MLC1: variants seen among roughly 807,000 people sequenced by gnomAD.
MLC1 encodes the protein membrane protein MLC1.
A neutral mutation model predicts 44.7 loss-of-function variants in MLC1; 32 were observed. The observed-to-expected ratio is 0.72, with a 90% CI of 0.54 to 0.96. MLC1 has a LOEUF of 0.96. Ranked by LOEUF, MLC1 falls within the 40% of genes least tolerant of loss-of-function variation. The pLI, the probability that MLC1 is intolerant of heterozygous loss-of-function variation, is 0.00. For synonymous variants in MLC1, 190 were observed against 213.0 expected, an observed-to-expected ratio of 0.89 and a Z score of 0.94; for missense variants, 459 against 492.2, an observed-to-expected ratio of 0.93 and a Z score of 0.64.
intron 10 of MLC1, among the ~76,000 whole-genome samples, chr22:50,065,203 G>A (rs1481179420): frequency 6.6e-6 from 1 of 152,274 alleles, no homozygotes; most frequent in Non-Finnish European, 1.5e-5. Flanking sequence ...ACAGGCATGT[G>A]CCACTACGCC....
In MLC1 at chr22:50,060,744, C is replaced by T. The variant is rs557621243; in HGVS notation, c.*839G>A. ...AAGCTGGGCATGACAGTGCCCGGGA[C>T]GTGGGCAGCGGCCATGTGGCACTCC... On this transcript the variant is annotated 3_prime_UTR_variant, in exon 12 of 12. Coordinates refer to ENST00000311597, the MANE Select transcript of MLC1 (RefSeq NM_015166.4). 3 of 98,918 alleles carry T rather than the reference C, an allele frequency of 3.0e-5. No individual in the cohort carries two copies. Among genetic ancestry groups the T allele is most frequent in the East Asian group, 2.9e-4 (1 of 3,408 alleles). The allele number at this position is 98,918 out of a possible 1,614,324, so 6.1% of individuals were successfully genotyped here.
At chr22:50,068,333 G>A in intron 10 of MLC1, 100 bp downstream of exon 10, 16 of 1,516,410 alleles carry the variant, frequency 1.1e-5, no homozygotes, top group Non-Finnish European at 1.4e-5. Flanking sequence ...AGCTGTCCCT[G>A]GAGCCAGCGC....
At chr22:50,068,778 A>G (rs1248775531) in intron 9 of MLC1, among the ~76,000 whole-genome samples, 4 of 142,510 alleles carry the variant, frequency 2.8e-5, no homozygotes, top group Non-Finnish European at 6.0e-5. Flanking sequence ...CCAGGCTGGA[A>G]TGCAGTGGCA....
chr22:50,078,366 A>C lies in MLC1; in HGVS notation c.424-864T>G, dbSNP rs529207196. On this transcript the variant is annotated intron_variant, in intron 5 of 11. Transcript: ENST00000311597. The stretch of plus-strand genomic sequence containing the variant: ...AACTAAAAACAGAGCCTCGAAATAT[A>C]TGATGTCATAACAGAGCCACAGGAA... Among the ~76,000 whole-genome samples the C allele has an allele frequency of 2.6e-5, 4 of 152,344 alleles. No homozygotes were observed. In the South Asian group the frequency reaches 8.3e-4, roughly 32 times the overall value.
intron 9 of MLC1, 74 bp from the exon 10 acceptor site, chr22:50,068,629 G>A (rs2061772288): frequency 6.8e-7 from 1 of 1,464,010 alleles, no homozygotes; most frequent in Non-Finnish European, 9.5e-7. Context: ...GGCCAGGGCT[G>A]GGGGGGCGGG....
intron 11 of MLC1, among the ~76,000 whole-genome samples, chr22:50,062,174 C>G (rs1326658167): frequency 6.7e-6 from 1 of 149,526 alleles, no homozygotes. Flanking sequence ...GCCGTCCACC[C>G]TAAGCCCCAG....
At chr22:50,080,192 C>T (rs1436765477) in intron 4 of MLC1, 152 bp downstream of exon 4, 1 of 1,136,860 alleles carries the variant, frequency 8.8e-7, no homozygotes, top group African/African-American at 1.5e-5. Flanking sequence ...CTGGGCTGGG[C>T]AGGAGCTTTA....
chr22:50,061,385 C>T lies in MLC1; in HGVS notation c.*198G>A, dbSNP rs547606388. Reference sequence around the variant, plus strand: ...AGCCACTCGGAGCTGACTGATCTCACTGAGGCACAGACTAGCCAACATTGG... The same window carrying T: ...AGCCACTCGGAGCTGACTGATCTCATTGAGGCACAGACTAGCCAACATTGG... On this transcript the variant is annotated 3_prime_UTR_variant, in exon 12 of 12. Coordinates refer to ENST00000311597, the MANE Select transcript of MLC1 (RefSeq NM_015166.4). The T allele has an allele frequency of 1.7e-5, 11 of 633,462 alleles. No homozygotes were observed. In the South Asian group the frequency reaches 1.9e-4, roughly 11 times the overall value. The allele number at this position is 633,462 out of a possible 1,614,324, so 39.2% of individuals were successfully genotyped here.
chr22:50,072,231 G>T (rs1290673147), intron 8 of MLC1, among the ~76,000 whole-genome samples: 1 of 152,224 alleles, frequency 6.6e-6, no homozygotes, highest in Admixed American at 6.5e-5. Flanking sequence ...GCCCTAGAGG[G>T]CCAGGAAGCT....
chr22:50,084,084 C>A (rs552467263), intron 2 of MLC1, among the ~76,000 whole-genome samples: 1 of 152,292 alleles, frequency 6.6e-6, no homozygotes, highest in Admixed American at 6.5e-5. Flanking sequence ...TCATTCTCAG[C>A]CCAAGCTACA....
chr22:50,083,438 A>G lies in MLC1; in HGVS notation c.178-265T>C, dbSNP rs1026736204. Among the ~76,000 whole-genome samples the G allele has an allele frequency of 1.3e-5, 2 of 152,136 alleles. No individual in the cohort carries two copies. Among genetic ancestry groups the G allele is most frequent in the African/African-American group, 4.8e-5 (2 of 41,424 alleles). On this transcript the variant is annotated intron_variant, in intron 2 of 11. Coordinates refer to ENST00000311597, the MANE Select transcript of MLC1 (RefSeq NM_015166.4). This position sits in a 1 kb window ranked among gnomAD's most constrained non-coding sequence, Gnocchi z 4.6. ...CGCTGTTATCTGGAGGAGAGAAGAA[A>G]GGGGATCTGCCAATATTTAGAGCAA...
In MLC1 at chr22:50,061,642, G is replaced by A. The variant is rs747871225; in HGVS notation, c.1075C>T (p.Leu359=). 2.5e-6 allele frequency: 4 copies of A among 1,613,422 alleles called. No homozygotes were observed. The highest frequency in any genetic ancestry group is 3.4e-6 in the Non-Finnish European group (4 of 1,179,994). ...RLAGEVARSP[L]KEFDKEKAWR... ...GCTTTCTCCTTGTCGAACTCCTTCA[G>A]GGGGCTCCTGGCCACCTGCAACCGA... Residue 359 remains leucine (L), a synonymous_variant, in exon 12 of 12, where the codon CTG becomes TTG. Coordinates refer to ENST00000311597, the MANE Select transcript of MLC1 (RefSeq NM_015166.4).
chr22:50,062,069 A>T (rs1368529227), intron 11 of MLC1, among the ~76,000 whole-genome samples: 1 of 151,966 alleles, frequency 6.6e-6, no homozygotes, highest in Admixed American at 6.5e-5. Flanking sequence ...GTCCACCCTG[A>T]GCCCCAGTTG....
rs2146739158 is a variant in MLC1, at chr22:50,061,663, A to G, written c.1060-6T>C. On this transcript the variant is annotated splice_polypyrimidine_tract_variant and splice_region_variant and intron_variant, in intron 11 of 11. Coordinates refer to ENST00000311597, the MANE Select transcript of MLC1 (RefSeq NM_015166.4). ...TTCAGGGGGCTCCTGGCCACCTGCAACCGAGACAGGAAAGGTGTTACTTCA... is the reference window on the plus strand; with the variant it reads ...TTCAGGGGGCTCCTGGCCACCTGCAGCCGAGACAGGAAAGGTGTTACTTCA... 2 of 1,612,524 alleles carry G rather than the reference A, an allele frequency of 1.2e-6. No homozygotes were observed. Among genetic ancestry groups the G allele is most frequent in the Non-Finnish European group, 1.7e-6 (2 of 1,179,376 alleles).
At chr22:50,063,866 C>A in intron 11 of MLC1, among the ~76,000 whole-genome samples, 168 bp downstream of exon 11, 1 of 120,532 alleles carries the variant, frequency 8.3e-6, no homozygotes, top group Non-Finnish European at 1.8e-5. Context: ...TACTCACCTC[C>A]CCAGCACCCC....
intron 10 of MLC1, among the ~76,000 whole-genome samples, chr22:50,065,482 C>T (rs1379850107): frequency 6.6e-6 from 1 of 152,242 alleles, no homozygotes; most frequent in African/African-American, 2.4e-5. Context: ...AGCCGCCAGG[C>T]TGAGACCACC....
intron 5 of MLC1, 69 bp from the exon 6 acceptor site, chr22:50,077,571 C>T (rs1050743704): frequency 9.2e-5 from 119 of 1,297,440 alleles, no homozygotes; most frequent in Non-Finnish European, 1.2e-4. Context: ...CAGCGTCCAC[C>T]GGACCACCTC....
chr22:50,070,430 G>T, intron 9 of MLC1, 97 bp downstream of exon 9: 1 of 1,218,920 alleles, frequency 8.2e-7, no homozygotes, highest in Non-Finnish European at 1.2e-6. Flanking sequence ...CGCTCTCTTG[G>T]GCTGGAGCCT....
At chr22:50,074,909 T>C (rs1202180222) in intron 7 of MLC1, among the ~76,000 whole-genome samples, 1 of 152,216 alleles carries the variant, frequency 6.6e-6, no homozygotes, top group Non-Finnish European at 1.5e-5. Context: ...TAAAAGTGGG[T>C]ATAAATAGGA....
Sources: gnomAD v4.1 joint callset for allele counts (sites outside exome capture counted in the v4.1 genomes callset) on GRCh38, gnomAD v4.1.1 for gene constraint, Gnocchi (gnomAD v3.1) non-coding constraint, MANE v1.5 for transcripts, NCBI Gene and HGNC (gene_info 2026-07-23, HGNC 2026-07-21) for gene names.